Variants in PTPN23 observed in about 807,000 individuals in gnomAD.
PTPN23 encodes the protein protein tyrosine phosphatase non-receptor type 23, also known as tyrosine-protein phosphatase non-receptor type 23.
In PTPN23, 72 loss-of-function variants were observed where a neutral mutation model predicts 156.3. The ratio of observed to expected loss-of-function variants is 0.46; its 90% CI spans 0.38 to 0.56. The LOEUF (loss-of-function observed/expected upper bound fraction) is 0.56, where lower values mean the gene tolerates loss of function less well. PTPN23 is among the 20% of genes least tolerant of loss of function. The pLI, the probability that PTPN23 is intolerant of heterozygous loss-of-function variation, is 0.00. For synonymous variants in PTPN23, 957 were observed against 899.6 expected (o/e 1.06, Z -1.14); for missense variants, 1,974 against 2,171.5 (o/e 0.91, Z 1.81).
rs1461201589 is a variant in PTPN23 at position 47,405,971 on chromosome 3, A to G, written c.471A>G (p.Leu157=). The G allele has an allele frequency of 5.6e-6, 9 of 1,613,820 alleles. No homozygotes were observed. Among genetic ancestry groups the G allele is most frequent in the East Asian group, 2.2e-5 (1 of 44,864 alleles). The change falls in exon 6 of 25, where the codon CTA becomes CTG. Residue 157 remains leucine (L), a synonymous_variant. Transcript: ENST00000265562. This position sits in a 1 kb window ranked among gnomAD's most constrained non-coding sequence, Gnocchi z 4.7. ...FQCAAGAFAY[L]REHFPQAYSV... ...GCGCAGCCGGCGCCTTCGCCTACCT[A>G]CGGGAGCACTTCCCTCAAGCCTACA...
chr3:47,407,979 A>C lies in PTPN23; in HGVS notation c.1184+24A>C. On this transcript the variant is annotated intron_variant, in intron 14 of 24. Transcript: ENST00000265562. The surrounding 1 kb of genome is among the most constrained non-coding windows in gnomAD (Gnocchi z 4.0). ...GAGTGAGTGTGGGACTTGGGCAGGGAGGCGGAGGCAGGCAGCACTTCCCGG... is the reference window on the plus strand; with the variant it reads ...GAGTGAGTGTGGGACTTGGGCAGGGCGGCGGAGGCAGGCAGCACTTCCCGG... The C allele has an allele frequency of 1.2e-6, 2 of 1,609,962 alleles. No individual in the cohort carries two copies. Among genetic ancestry groups the C allele is most frequent in the Non-Finnish European group, 1.7e-6 (2 of 1,178,276 alleles).
chr3:47,393,414 A>C (rs1317267407), intron 1 of PTPN23, among the ~76,000 whole-genome samples: 1 of 152,176 alleles, frequency 6.6e-6, no homozygotes, highest in Non-Finnish European at 1.5e-5. Flanking sequence ...TGGCCTCCCA[A>C]AGTGTTGGGA....
In PTPN23 at chr3:47,408,755, C is replaced by G. The variant is rs750966148; in HGVS notation, c.1331-21C>G. 8.9e-6 allele frequency: 14 copies of G among 1,567,022 alleles called. No individual in the cohort carries two copies. In the South Asian group the frequency reaches 1.7e-4, roughly 19 times the overall value. ...CCGGTCAGCCTGCCTCAGGGGCTGC[C>G]TGTACAATCCACAACCCCAGTGCTG... On this transcript the variant is annotated intron_variant, in intron 15 of 24. Coordinates refer to ENST00000265562, the MANE Select transcript of PTPN23 (RefSeq NM_015466.4).
chr3:47,403,131 G>A (rs868141805), intron 2 of PTPN23, among the ~76,000 whole-genome samples: 13 of 151,354 alleles, frequency 8.6e-5, no homozygotes, highest in South Asian at 2.1e-4. Flanking sequence ...GCTCACTGCA[G>A]GCTCCGCCCC....
intron 1 of PTPN23, among the ~76,000 whole-genome samples, chr3:47,383,204 A>G (rs1325080615): frequency 1.3e-5 from 2 of 151,936 alleles, no homozygotes; most frequent in African/African-American, 4.8e-5. Flanking sequence ...CTGTTTCCTT[A>G]CCATACTCTG....
At chr3:47,412,034 A>G (rs1356897051) in intron 21 of PTPN23, 60 bp from the exon 22 acceptor site, 3 of 1,608,348 alleles carry the variant, frequency 1.9e-6, no homozygotes, top group African/African-American at 1.3e-5. Flanking sequence ...GCTGGGAGGG[A>G]TGAGAGCCTC....
Position 47,413,364 on chromosome 3 carries a change from G to A in PTPN23, c.*179G>A. On this transcript the variant is annotated 3_prime_UTR_variant, in exon 25 of 25. Coordinates refer to ENST00000265562, the MANE Select transcript of PTPN23 (RefSeq NM_015466.4). The stretch of plus-strand genomic sequence containing the variant: ...AAATGTACTGCAGGCTCTGGGTCAG[G>A]TTCTGCTCCTTTATGGGACCCGACA... The A allele has an allele frequency of 1.2e-6, 1 of 826,932 alleles. No homozygotes were observed. 51.2% of individuals were successfully genotyped at this position (826,932 alleles called of 1,614,324 possible). A position where few individuals can be genotyped will look rare whatever the true frequency, so the allele number is the denominator to read the frequency against.
intron 2 of PTPN23, among the ~76,000 whole-genome samples, chr3:47,404,349 T>G (rs1215607717): frequency 6.6e-6 from 1 of 151,334 alleles, no homozygotes; most frequent in African/African-American, 2.4e-5. Flanking sequence ...GGAGAATTGC[T>G]TGAACCCAGG....
intron 2 of PTPN23, among the ~76,000 whole-genome samples, chr3:47,402,649 CATT>C (rs1466304842): frequency 6.6e-6 from 1 of 152,140 alleles, no homozygotes; most frequent in Non-Finnish European, 1.5e-5. Context: ...TCACGGTTAA[CATT>C]ATGGTGTACA....
intron 1 of PTPN23, among the ~76,000 whole-genome samples, chr3:47,382,680 C>CTTT (rs71098482): frequency 2.2e-4 from 13 of 58,656 alleles, no homozygotes; most frequent in African/African-American, 4.1e-4. Flanking sequence ...TTTTTCTTTT[C>CTTT]TTTTTTTTTT....
Position 47,406,762 on chromosome 3 carries a change from C to T in PTPN23, c.807+12C>T, listed in dbSNP as rs761300470. 9.9e-6 allele frequency: 16 copies of T among 1,613,216 alleles called. No homozygotes were observed. Among genetic ancestry groups the T allele is most frequent in the East Asian group, 2.2e-5 (1 of 44,892 alleles). The stretch of plus-strand genomic sequence containing the variant: ...AGTTCGGGGAGCGGGTGAGCTACAG[C>T]GAGGAGGGGACTGGGGACCAATGGC... On this transcript the variant is annotated intron_variant, in intron 9 of 24. Coordinates refer to ENST00000265562, the MANE Select transcript of PTPN23 (RefSeq NM_015466.4). The surrounding 1 kb of genome is among the most constrained non-coding windows in gnomAD (Gnocchi z 5.8).
At chr3:47,391,606 G>C (rs1389258231) in intron 1 of PTPN23, among the ~76,000 whole-genome samples, 1 of 152,208 alleles carries the variant, frequency 6.6e-6, no homozygotes, top group Non-Finnish European at 1.5e-5. Flanking sequence ...GGCATGATTT[G>C]CTAGGGGTGG....
In PTPN23 at chr3:47,405,843, G is replaced by A; in HGVS notation, c.414+45G>A. ...TGGAACATGTGGACATACCAGGGAG[G>A]GGCAGCCTCCCAAGTATGGATGAAT... On this transcript the variant is annotated intron_variant, in intron 5 of 24. Transcript: ENST00000265562. The surrounding 1 kb of genome is among the most constrained non-coding windows in gnomAD (Gnocchi z 4.7). 1 of 1,591,388 alleles carries A rather than the reference G, an allele frequency of 6.3e-7. No individual in the cohort carries two copies. Among genetic ancestry groups the A allele is most frequent in the Non-Finnish European group, 8.6e-7 (1 of 1,167,284 alleles).
In PTPN23 at chr3:47,411,891, GTGCTGAGCC is replaced by G; in HGVS notation, c.4001_4009del (p.Leu1334_Leu1336del). ...CAGCACCGAAACCCATGTGGAGCGC[GTGCTGAGCC>G]TGCAGTTCCGAGACCAGAGCCTCAA... On this transcript the variant is annotated inframe_deletion, in exon 21 of 25. Transcript: ENST00000265562. This position sits in a 1 kb window ranked among gnomAD's most constrained non-coding sequence, Gnocchi z 6.3. 6.2e-7 allele frequency: 1 copy of G among 1,613,410 alleles called. No homozygotes were observed. The highest frequency in any genetic ancestry group is 8.5e-7 in the Non-Finnish European group (1 of 1,180,022).
rs2107720752 is a variant in PTPN23, at chr3:47,409,640, C to T, written c.1950-15C>T. The T allele has an allele frequency of 6.2e-7, 1 of 1,612,490 alleles. No homozygotes were observed. The highest frequency in any genetic ancestry group is 8.5e-7 in the Non-Finnish European group (1 of 1,179,458). On this transcript the variant is annotated splice_polypyrimidine_tract_variant and intron_variant, in intron 18 of 24. Coordinates refer to ENST00000265562, the MANE Select transcript of PTPN23 (RefSeq NM_015466.4). ...GCCCCATGGTTCACCTGGAGCTGGC[C>T]CTTCTGCCCACCAGGTGGAACTCCA...
intron 2 of PTPN23, among the ~76,000 whole-genome samples, chr3:47,400,219 T>C (rs1704965534): frequency 6.6e-6 from 1 of 152,264 alleles, no homozygotes; most frequent in African/African-American, 2.4e-5. Context: ...GCAGTCCTCT[T>C]TCCCTGATCT....
intron 2 of PTPN23, among the ~76,000 whole-genome samples, 167 bp from the exon 3 acceptor site, chr3:47,404,485 G>T (rs1352714919): frequency 6.6e-6 from 1 of 151,588 alleles, no homozygotes; most frequent in Non-Finnish European, 1.5e-5. Context: ...CTGGCTTGTG[G>T]AATGTTTTGT....
At chr3:47,387,093 G>C (rs997044954) in intron 1 of PTPN23, among the ~76,000 whole-genome samples, 4 of 152,300 alleles carry the variant, frequency 2.6e-5, no homozygotes, top group Admixed American at 6.5e-5. Flanking sequence ...TATTATTGTA[G>C]GGATTAGACA....
At chr3:47,394,090 C>T (rs1704830099) in intron 1 of PTPN23, among the ~76,000 whole-genome samples, 1 of 152,008 alleles carries the variant, frequency 6.6e-6, no homozygotes. Context: ...CAACCCCCTC[C>T]TTTTACATGA....
Sources: allele counts gnomAD v4.1 joint callset (sites outside exome capture counted in the v4.1 genomes callset), GRCh38; gene constraint gnomAD v4.1.1; non-coding constraint Gnocchi (gnomAD v3.1); transcripts MANE v1.5; gene names NCBI Gene and HGNC (gene_info 2026-07-23, HGNC 2026-07-21).